PLA2G12A: variants seen among roughly 807,000 people sequenced by gnomAD.
The protein encoded by PLA2G12A is phospholipase A2 group XIIA, also known as group XIIA secretory phospholipase A2.
In PLA2G12A, 11 loss-of-function variants were observed where a neutral mutation model predicts 16.0. The observed-to-expected ratio is 0.69, with a 90% CI of 0.43 to 1.13. PLA2G12A has a LOEUF of 1.13. Among genes scored for constraint, PLA2G12A ranks in the 50% most tolerant of loss-of-function variants. The pLI is 0.00. For missense variants in PLA2G12A, 214 were observed against 237.3 expected, an observed-to-expected ratio of 0.90 and a Z score of 0.65; for synonymous variants, 77 against 93.8, an observed-to-expected ratio of 0.82 and a Z score of 1.03.
chr4:109,719,689 G>C (rs184172988), intron 1 of PLA2G12A, among the ~76,000 whole-genome samples: 6 of 152,228 alleles, frequency 3.9e-5, no homozygotes, highest in Admixed American at 3.3e-4. Context: ...TGGTTTTCCA[G>C]TGCATATAAA....
rs1730747018 is a variant in PLA2G12A at position 109,712,277 on chromosome 4, G to A, written c.*2100C>T. ...GTGAGTGGTCACAGAAGCTCTCCAT[G>A]TATCTTTGCAACTTTTCTGTAAATC... On this transcript the variant is annotated 3_prime_UTR_variant, in exon 4 of 4. Transcript: ENST00000243501. The A allele has an allele frequency of 6.6e-6, 1 of 151,832 alleles. No homozygotes were observed. 9.4% of individuals were successfully genotyped at this position (151,832 alleles called of 1,614,324 possible). A position where few individuals can be genotyped will look rare whatever the true frequency, so the allele number is the denominator to read the frequency against.
intron 1 of PLA2G12A, among the ~76,000 whole-genome samples, chr4:109,723,620 T>A (rs1173330055): frequency 6.6e-6 from 1 of 152,220 alleles, no homozygotes; most frequent in African/African-American, 2.4e-5. Context: ...GATCAGCATT[T>A]AATTCTTGGG....
chr4:109,719,857 T>C (rs1730891769), intron 1 of PLA2G12A, among the ~76,000 whole-genome samples: 1 of 152,178 alleles, frequency 6.6e-6, no homozygotes, highest in Non-Finnish European at 1.5e-5. Context: ...ACCGATAGAC[T>C]TGCTCAATGC....
Position 109,714,317 on chromosome 4 carries a change from A to T in PLA2G12A, c.*60T>A, listed in dbSNP as rs1018901724. 3.1e-6 allele frequency: 3 copies of T among 981,142 alleles called. No homozygotes were observed. Among genetic ancestry groups the T allele is most frequent in the Non-Finnish European group, 4.7e-6 (3 of 634,208 alleles). 60.8% of individuals were successfully genotyped at this position (981,142 alleles called of 1,614,324 possible). On this transcript the variant is annotated 3_prime_UTR_variant, in exon 4 of 4. Coordinates refer to ENST00000243501, the MANE Select transcript of PLA2G12A (RefSeq NM_030821.5). The stretch of plus-strand genomic sequence containing the variant: ...GACAGTTTTATGTTGTAAAAACATT[A>T]GTTATTTGTCAAAGGTATGTTCTTC...
chr4:109,729,900 C>T lies in PLA2G12A; in HGVS notation c.-91G>A, dbSNP rs1017652102. On this transcript the variant is annotated 5_prime_UTR_variant, in exon 1 of 4. Transcript: ENST00000243501. ...AGGACGCGCTAGGCAGCGGCGCGGGCCCCGGACTTGGCAGCAGCCAGCTCC... is the reference window on the plus strand; with the variant it reads ...AGGACGCGCTAGGCAGCGGCGCGGGTCCCGGACTTGGCAGCAGCCAGCTCC... 8 of 1,181,574 alleles carry T rather than the reference C, an allele frequency of 6.8e-6. No individual in the cohort carries two copies. Among genetic ancestry groups the T allele is most frequent in the South Asian group, 4.9e-5 (3 of 60,768 alleles). The allele number at this position is 1,181,574 out of a possible 1,614,324, so 73.2% of individuals were successfully genotyped here.
At position 109,727,499 on chromosome 4, in the gene PLA2G12A, T is replaced by C. The variant is rs1476147410; in HGVS notation, c.208+2103A>G. Among the ~76,000 whole-genome samples, 4 of 152,290 alleles carry C rather than the reference T, an allele frequency of 2.6e-5. No individual in the cohort carries two copies. The East Asian group carries it at 7.7e-4, about 29-fold the overall frequency. On this transcript the variant is annotated intron_variant, in intron 1 of 3. Transcript: ENST00000243501. ...TGTCCGTTAAACGTAGAGTACTTAC[T>C]AAGACAAAAAATTTTTTTTCACTGA...
In PLA2G12A at chr4:109,712,866, T is replaced by C. The variant is rs1231956440; in HGVS notation, c.*1511A>G. On this transcript the variant is annotated 3_prime_UTR_variant, in exon 4 of 4. Coordinates refer to ENST00000243501, the MANE Select transcript of PLA2G12A (RefSeq NM_030821.5). ...ATAAAGGTTTGAAATAAAGAATCAA[T>C]TGAGGGTCCCAAACATTTAAGTGGA... is the stretch of plus-strand genomic sequence containing the variant. 2 of 152,138 alleles carry C rather than the reference T, an allele frequency of 1.3e-5. No individual in the cohort carries two copies. The highest frequency in any genetic ancestry group is 2.9e-5 in the Non-Finnish European group (2 of 68,024). The allele number at this position is 152,138 out of a possible 1,614,324, so 9.4% of individuals were successfully genotyped here. A position where few individuals can be genotyped will look rare whatever the true frequency, so the allele number is the denominator to read the frequency against.
intron 3 of PLA2G12A, among the ~76,000 whole-genome samples, chr4:109,715,834 T>C (rs551412031): frequency 2.0e-5 from 3 of 152,212 alleles, no homozygotes; most frequent in Non-Finnish European, 4.4e-5. Context: ...ACTTTTCTTA[T>C]TCTAAGAAAC....
At position 109,729,901 on chromosome 4, in the gene PLA2G12A, C is replaced by G. The variant is rs1230384931; in HGVS notation, c.-92G>C. ...GGACGCGCTAGGCAGCGGCGCGGGC[C>G]CCGGACTTGGCAGCAGCCAGCTCCA... On this transcript the variant is annotated 5_prime_UTR_variant, in exon 1 of 4. Coordinates refer to ENST00000243501, the MANE Select transcript of PLA2G12A (RefSeq NM_030821.5). 8.5e-7 allele frequency: 1 copy of G among 1,171,672 alleles called. No individual in the cohort carries two copies. The highest frequency in any genetic ancestry group is 1.6e-5 in the African/African-American group (1 of 61,138). 72.6% of individuals were successfully genotyped at this position (1,171,672 alleles called of 1,614,324 possible).
intron 1 of PLA2G12A, among the ~76,000 whole-genome samples, chr4:109,721,802 CAAAA>C: frequency 6.6e-6 from 1 of 152,018 alleles, no homozygotes; most frequent in Non-Finnish European, 1.5e-5. Context: ...ATGCTCAGAG[CAAAA>C]ATGTCAGACA....
At chr4:109,728,277 C>T (rs1722978650) in intron 1 of PLA2G12A, among the ~76,000 whole-genome samples, 1 of 152,204 alleles carries the variant, frequency 6.6e-6, no homozygotes, top group South Asian at 2.1e-4. Context: ...CACCAGAACT[C>T]AAGCTCCACG....
intron 1 of PLA2G12A, among the ~76,000 whole-genome samples, chr4:109,729,334 A>G (rs1191589228): frequency 4.8e-5 from 7 of 145,964 alleles, no homozygotes; most frequent in Non-Finnish European, 6.0e-5. Flanking sequence ...TGAGGGGGGG[A>G]AAAGGTAATT....
Position 109,710,922 on chromosome 4 carries a change from T to C in PLA2G12A, c.*3455A>G. 1 of 152,170 alleles carries C rather than the reference T, an allele frequency of 6.6e-6. No individual in the cohort carries two copies. Among genetic ancestry groups the C allele is most frequent in the East Asian group, 1.9e-4 (1 of 5,198 alleles). 9.4% of individuals were successfully genotyped at this position (152,170 alleles called of 1,614,324 possible). On this transcript the variant is annotated 3_prime_UTR_variant, in exon 4 of 4. Coordinates refer to ENST00000243501, the MANE Select transcript of PLA2G12A (RefSeq NM_030821.5). ...TCAGTTTCTCCATCTATGAAATAAA[T>C]ACAGCCATATCTGTCCCTGGAAGAA...
chr4:109,726,747 G>A (rs1325669464), intron 1 of PLA2G12A, among the ~76,000 whole-genome samples: 1 of 152,138 alleles, frequency 6.6e-6, no homozygotes, highest in Non-Finnish European at 1.5e-5. Flanking sequence ...GGAGAAAAAA[G>A]TTGAAGAAAA....
chr4:109,727,930 G>GACTCCTTCCA, intron 1 of PLA2G12A, among the ~76,000 whole-genome samples: 1 of 152,276 alleles, frequency 6.6e-6, no homozygotes, highest in East Asian at 1.9e-4. Context: ...TTATGAAGAC[G>GACTCCTTCCA]ACTCCTTCCA....
rs1412016153 is a variant in PLA2G12A, at chr4:109,711,294, C to T, written c.*3083G>A. 1.3e-5 allele frequency: 2 copies of T among 152,096 alleles called. No individual in the cohort carries two copies. The highest frequency in any genetic ancestry group is 2.4e-5 in the African/African-American group (1 of 41,420). The allele number at this position is 152,096 out of a possible 1,614,324, so 9.4% of individuals were successfully genotyped here. A position where few individuals can be genotyped will look rare whatever the true frequency, so the allele number is the denominator to read the frequency against. On this transcript the variant is annotated 3_prime_UTR_variant, in exon 4 of 4. Transcript: ENST00000243501. Reference sequence around the variant, plus strand: ...GCTACAAACAGTGACATCCCAGTAGCAACAAGCACATCTAATGCCCAGATC... The same window carrying T: ...GCTACAAACAGTGACATCCCAGTAGTAACAAGCACATCTAATGCCCAGATC...
intron 3 of PLA2G12A, among the ~76,000 whole-genome samples, chr4:109,717,302 ATTC>A (rs1730845358): frequency 6.6e-6 from 1 of 152,160 alleles, no homozygotes; most frequent in Non-Finnish European, 1.5e-5. Flanking sequence ...AGGTAGATGA[ATTC>A]TTCTCTCTCT....
chr4:109,725,844 G>A (rs894706700), intron 1 of PLA2G12A, among the ~76,000 whole-genome samples: 3 of 152,186 alleles, frequency 2.0e-5, no homozygotes, highest in Non-Finnish European at 4.4e-5. Context: ...AAGGTCTCAT[G>A]GCAGAGTTTT....
chr4:109,717,408 C>G, intron 3 of PLA2G12A, 140 bp downstream of exon 3: 1 of 891,772 alleles, frequency 1.1e-6, no homozygotes, highest in African/African-American at 1.7e-5. Context: ...ATCAGCTCCT[C>G]ACCTCAGAAA....
Sources: gnomAD v4.1 joint callset for allele counts (sites outside exome capture counted in the v4.1 genomes callset) on GRCh38, gnomAD v4.1.1 for gene constraint, MANE v1.5 for transcripts, NCBI Gene and HGNC (gene_info 2026-07-23, HGNC 2026-07-21) for gene names.